NEDD4L: variants seen among roughly 807,000 people sequenced by gnomAD.
NEDD4L encodes the protein NEDD4 like E3 ubiquitin protein ligase.
A neutral mutation model predicts 148.9 loss-of-function variants in NEDD4L; 54 were observed. That is an observed-to-expected ratio of 0.36 (90% CI 0.29 to 0.45). NEDD4L has a LOEUF of 0.45. NEDD4L is among the 20% of genes least tolerant of loss of function. The probability of loss-of-function intolerance (pLI) is 1.00; values close to 1 mark genes in which losing one functional copy is unlikely to be tolerated. For missense variants in NEDD4L, 856 were observed against 1,233.8 expected (o/e 0.69, Z 4.59); for synonymous variants, 433 against 440.7 (o/e 0.98, Z 0.22).
At chr18:58,346,145 CAG>C (rs1316720001) in intron 16 of NEDD4L, among the ~76,000 whole-genome samples, 25 of 152,108 alleles carry the variant, frequency 1.6e-4, no homozygotes, top group Non-Finnish European at 3.2e-4. Context: ...TGCTGGAGAC[CAG>C]GGGCTTGGGA....
chr18:58,291,169 G>C (rs1218619593), intron 5 of NEDD4L, among the ~76,000 whole-genome samples: 2 of 151,960 alleles, frequency 1.3e-5, no homozygotes, highest in Non-Finnish European at 2.9e-5. Context: ...TGGTCACACA[G>C]AGAACCAGGC....
intron 1 of NEDD4L, among the ~76,000 whole-genome samples, chr18:58,140,531 G>A (rs1568273451): frequency 6.6e-6 from 1 of 152,036 alleles, no homozygotes; most frequent in South Asian, 2.1e-4. Context: ...CCAGCACGAG[G>A]AAATACATAG....
In NEDD4L at chr18:58,206,773, G is replaced by A. The variant is rs146415773; in HGVS notation, c.123-38654G>A. On this transcript the variant is annotated intron_variant, in intron 2 of 30. Coordinates refer to ENST00000400345, the MANE Select transcript of NEDD4L (RefSeq NM_001144967.3). ...GTTGGAGGCATTTAAGTGTGTGGGT[G>A]TTTGTGGGAGGCATGGTGGTCTCCT... Among the ~76,000 whole-genome samples the A allele has an allele frequency of 2.3e-4, 35 of 152,338 alleles. No homozygotes were observed. The East Asian group carries it at 6.2e-3, about 27-fold the overall frequency.
chr18:58,076,207 T>G (rs370728959), intron 1 of NEDD4L, among the ~76,000 whole-genome samples: 94 of 152,254 alleles, frequency 6.2e-4, no homozygotes, highest in African/African-American at 2.1e-3. Context: ...CTAGAAGGTG[T>G]TGTATTTTGG....
At position 58,329,090 on chromosome 18, in the gene NEDD4L, T is replaced by TGGAGCC. The variant is rs539430057; in HGVS notation, c.777_782dup (p.Glu262_Pro263dup). ...TCCCGCAGGCACATCAGCGAAGACT[T>TGGAGCC]GGAGCCCGAGCCCTCGGAGGGCGGG... On this transcript the variant is annotated inframe_insertion, in exon 10 of 31. Transcript: ENST00000400345. The TGGAGCC allele has an allele frequency of 5.9e-5, 96 of 1,614,040 alleles. No individual in the cohort carries two copies. The African/African-American group carries it at 1.2e-3, about 20-fold the overall frequency.
At chr18:58,094,232 T>A (rs545469544) in intron 1 of NEDD4L, among the ~76,000 whole-genome samples, 1 of 151,962 alleles carries the variant, frequency 6.6e-6, no homozygotes, top group East Asian at 1.9e-4. Context: ...TTGCCCAGGC[T>A]GGAGTGTGGT....
At position 58,341,710 on chromosome 18, in the gene NEDD4L, A is replaced by C; in HGVS notation, c.1290A>C (p.Thr430=). The C allele has an allele frequency of 6.2e-7, 1 of 1,613,848 alleles. No individual in the cohort carries two copies. Among genetic ancestry groups the C allele is most frequent in the East Asian group, 2.2e-5 (1 of 44,888 alleles). ...AAGATGGTGCGTCCGGATCAGCCAC[A>C]AACAGTAACAACCATCTAATCGAGC... The part of the protein sequence containing the change: ...LAEDGASGSA[T]NSNNHLIEPQ... The change falls in exon 15 of 31, where the codon ACA becomes ACC. Residue 430 remains threonine (T), a synonymous_variant. Coordinates refer to ENST00000400345, the MANE Select transcript of NEDD4L (RefSeq NM_001144967.3).
intron 9 of NEDD4L, among the ~76,000 whole-genome samples, chr18:58,326,708 A>G (rs981787496): frequency 2.9e-4 from 44 of 152,302 alleles, no homozygotes; most frequent in African/African-American, 9.1e-4. Flanking sequence ...GCAACTCACA[A>G]AGGAAAAAAT....
At position 58,328,935 on chromosome 18, in the gene NEDD4L, A is replaced by G; in HGVS notation, c.681-60A>G. 1.9e-6 allele frequency: 3 copies of G among 1,607,394 alleles called. No homozygotes were observed. The South Asian group carries it at 3.3e-5, about 18-fold the overall frequency. ...GGCCCTCCGTGAGCATTGAACTGTC[A>G]TGAAGGGCCCGATCTCAACCACTTC... On this transcript the variant is annotated intron_variant, in intron 9 of 30. Transcript: ENST00000400345.
At chr18:58,179,472 A>G (rs2038576868) in intron 2 of NEDD4L, among the ~76,000 whole-genome samples, 1 of 152,096 alleles carries the variant, frequency 6.6e-6, no homozygotes, top group Non-Finnish European at 1.5e-5. Flanking sequence ...GTGTTTGTGT[A>G]GAGCAGGGGT....
At chr18:58,323,917 C>G (rs192248827) in intron 8 of NEDD4L, among the ~76,000 whole-genome samples, 15 of 152,326 alleles carry the variant, frequency 9.8e-5, no homozygotes, top group Non-Finnish European at 1.6e-4. Flanking sequence ...TCGGCCAGTG[C>G]TGTTTTGTTA....
At chr18:58,074,252 T>C (rs1483603895) in intron 1 of NEDD4L, among the ~76,000 whole-genome samples, 3 of 151,202 alleles carry the variant, frequency 2.0e-5, no homozygotes, top group African/African-American at 7.3e-5. Flanking sequence ...CCTCCCAAAA[T>C]CATGCTAAGA....
chr18:58,371,690 G>A, intron 23 of NEDD4L: 1 of 152,582 alleles, frequency 6.6e-6, no homozygotes, highest in East Asian at 1.9e-4. Flanking sequence ...TGAAAGGAGA[G>A]GAAGAGGCCA....
chr18:58,356,313 T>C (rs1408583531), intron 18 of NEDD4L, among the ~76,000 whole-genome samples: 1 of 150,646 alleles, frequency 6.6e-6, no homozygotes, highest in African/African-American at 2.4e-5. Flanking sequence ...TGTTTTTTAC[T>C]AACCTAGATA....
intron 19 of NEDD4L, among the ~76,000 whole-genome samples, chr18:58,360,444 T>G (rs917933348): frequency 1.3e-5 from 2 of 152,166 alleles, no homozygotes; most frequent in Non-Finnish European, 2.9e-5. Context: ...TTCTTTAAGC[T>G]TTTTTTGTAA....
chr18:58,093,486 A>T (rs2084199030), intron 1 of NEDD4L, among the ~76,000 whole-genome samples: 1 of 151,992 alleles, frequency 6.6e-6, no homozygotes, highest in African/African-American at 2.4e-5. Flanking sequence ...GAAAAGTAGG[A>T]GTAGCGAGCT....
chr18:58,148,379 C>T (rs4149595), intron 1 of NEDD4L, among the ~76,000 whole-genome samples: 48,809 of 151,822 alleles, frequency 0.32, 8,099 homozygotes, highest in African/African-American at 0.35. Flanking sequence ...TTGGTCAGGC[C>T]GGTCTCGAAC....
At chr18:58,062,498 A>G (rs1256690609) in intron 1 of NEDD4L, among the ~76,000 whole-genome samples, 1 of 152,248 alleles carries the variant, frequency 6.6e-6, no homozygotes, top group South Asian at 2.1e-4. Context: ...GCACAGATTA[A>G]TACAAAATCT....
intron 1 of NEDD4L, among the ~76,000 whole-genome samples, chr18:58,144,984 AC>A (rs1417312835): frequency 1.3e-5 from 2 of 152,150 alleles, no homozygotes; most frequent in African/African-American, 2.4e-5. Context: ...AGTTGGGGCG[AC>A]CCTGAGAGAG....
Sources: allele counts gnomAD v4.1 joint callset (sites outside exome capture counted in the v4.1 genomes callset), GRCh38; gene constraint gnomAD v4.1.1; transcripts MANE v1.5; gene names NCBI Gene and HGNC (gene_info 2026-07-23, HGNC 2026-07-21).